PRR32: variants seen among roughly 807,000 people sequenced by gnomAD.
PRR32 encodes the protein proline-rich protein 32.
Under a neutral mutation model 1.3 loss-of-function variants are expected in PRR32, and 2 were observed. The ratio of observed to expected loss-of-function variants is 1.49; its 90% confidence interval spans 0.61 to 4.68. The LOEUF is 4.68. Among genes scored for constraint, PRR32 ranks in the 30% most tolerant of loss-of-function variants. The pLI, the probability that PRR32 is intolerant of heterozygous loss-of-function variation, is 0.06. For missense variants in PRR32, 241 were observed against 232.5 expected (o/e 1.04, Z -0.24); for synonymous variants, 107 against 88.7 (o/e 1.21, Z -1.16).
Position 126,819,843 on chromosome X carries a change from C to A in PRR32, c.-1C>A. On this transcript the variant is annotated 5_prime_UTR_variant, in exon 1 of 2. Coordinates refer to ENST00000371125, the MANE Select transcript of PRR32 (RefSeq NM_001122716.2). ...GAAAGCTATTCTGATCAAATTTCTT[C>A]ATGGCTTGTATTGAAAACGTGTAAG... The A allele has an allele frequency of 8.6e-7, 1 of 1,165,418 alleles. No individual in the cohort carries two copies. The highest frequency in any genetic ancestry group is 1.1e-6 in the Non-Finnish European group (1 of 871,746).
chrX:126,821,306 A>G lies in PRR32; in HGVS notation c.668A>G (p.His223Arg), dbSNP rs776795805. ...CTCAGGGGCCCATGCCACCCCATGCATAATTGGCCAAGGCCTATCCCGTTG... is the reference window on the plus strand; with the variant it reads ...CTCAGGGGCCCATGCCACCCCATGCGTAATTGGCCAAGGCCTATCCCGTTG... ...FPLRGPCHPMHNWPRPIPLSS... is the reference protein window; with the variant it reads ...FPLRGPCHPMRNWPRPIPLSS... The change falls in exon 2 of 2, where the codon CAT becomes CGT. Residue 223 changes from histidine to arginine, a missense_variant. By Grantham distance (29) the His-to-Arg change is conservative. Transcript: ENST00000371125. 2.6e-6 allele frequency: 3 copies of G among 1,168,575 alleles called. No homozygotes were observed. Among genetic ancestry groups the G allele is most frequent in the South Asian group, 3.8e-5 (2 of 52,762 alleles).
intron 1 of PRR32, 127 bp from the exon 2 acceptor site, chrX:126,820,532 T>G: frequency 2.3e-6 from 2 of 852,343 alleles, no homozygotes; most frequent in Non-Finnish European, 3.2e-6. Flanking sequence ...TTTGGCTACA[T>G]ATAGGGGAGA....
chrX:126,821,283 CAG>C lies in PRR32; in HGVS notation c.646_647del (p.Arg216GlyfsTer8). On this transcript the variant is annotated frameshift_variant, in exon 2 of 2. Coordinates refer to ENST00000371125, the MANE Select transcript of PRR32 (RefSeq NM_001122716.2). LOFTEE classifies it low-confidence loss of function (END_TRUNC). ...GKLAHVSFPL[R>X]GPCHPMHNWP... ...AGCTGGCTCATGTTTCTTTCCCACTCAGGGGCCCATGCCACCCCATGCATAAT... is the reference window on the plus strand; with the variant it reads ...AGCTGGCTCATGTTTCTTTCCCACTCGGGCCCATGCCACCCCATGCATAAT... 1 of 1,168,494 alleles carries C rather than the reference CAG, an allele frequency of 8.6e-7. No individual in the cohort carries two copies. The highest frequency in any genetic ancestry group is 1.1e-6 in the Non-Finnish European group (1 of 873,167).
In PRR32 at chrX:126,819,823, C is replaced by A. The variant is rs1930527395; in HGVS notation, c.-21C>A. 1.1e-5 allele frequency: 13 copies of A among 1,164,113 alleles called. No homozygotes were observed. Among genetic ancestry groups the A allele is most frequent in the Non-Finnish European group, 1.4e-5 (12 of 870,718 alleles). ...GGTTATCTCCACCACCTCAGGAAAG[C>A]TATTCTGATCAAATTTCTTCATGGC... On this transcript the variant is annotated 5_prime_UTR_variant, in exon 1 of 2. Coordinates refer to ENST00000371125, the MANE Select transcript of PRR32 (RefSeq NM_001122716.2).
Position 126,820,854 on chromosome X carries a change from G to A in PRR32, c.216G>A (p.Trp72Ter). 1 of 1,167,526 alleles carries A rather than the reference G, an allele frequency of 8.6e-7. No homozygotes were observed. Residue 72 changes from tryptophan (W) to a stop codon, truncating the protein, a stop_gained, in exon 2 of 2, where the codon TGG (tryptophan) becomes TGA (stop). Coordinates refer to ENST00000371125, the MANE Select transcript of PRR32 (RefSeq NM_001122716.2). LOFTEE classifies it low-confidence loss of function (END_TRUNC). ...ATCTGGATAGCAAGCAACTGGAGTGGCCCTCTGAAAGAACAGGATCCTGCA... is the reference window on the plus strand; with the variant it reads ...ATCTGGATAGCAAGCAACTGGAGTGACCCTCTGAAAGAACAGGATCCTGCA... ...LTDLDSKQLEWPSERTGSCIP... is the reference protein window; with the variant it reads ...LTDLDSKQLE
chrX:126,820,755 C>T lies in PRR32; in HGVS notation c.117C>T (p.Ser39=), dbSNP rs376601255. ...HHDMPLQCLS[S]KPEDDAEPWG... ...ACATGCCCCTGCAATGTCTGAGTTC[C>T]AAGCCAGAGGATGACGCAGAGCCCT... The change falls in exon 2 of 2, where the codon TCC becomes TCT. Residue 39 remains serine, a synonymous_variant. Transcript: ENST00000371125. 6.3e-5 allele frequency: 73 copies of T among 1,166,309 alleles called. No individual in the cohort carries two copies. The African/African-American group carries it at 1.2e-3, about 19-fold the overall frequency.
At chrX:126,820,525 G>A in intron 1 of PRR32, 134 bp from the exon 2 acceptor site, 1 of 788,486 alleles carries the variant, frequency 1.3e-6, no homozygotes, top group East Asian at 3.5e-5. Flanking sequence ...GCAAGTATTT[G>A]GCTACATATA....
chrX:126,820,698 G>A lies in PRR32; in HGVS notation c.60G>A (p.Val20=), dbSNP rs1422004592. 1.7e-6 allele frequency: 2 copies of A among 1,166,223 alleles called. No homozygotes were observed. Among genetic ancestry groups the A allele is most frequent in the African/African-American group, 1.8e-5 (1 of 55,703 alleles). ...GHAPSPLVVS[V]DKNGNQELHH... ...CCCCTTCACCCTTGGTAGTATCTGT[G>A]GACAAAAATGGGAACCAGGAGCTGC... Residue 20 remains valine (V), a synonymous_variant, in exon 2 of 2, where the codon GTG becomes GTA. Transcript: ENST00000371125.
At chrX:126,819,967 G>A in intron 1 of PRR32, 104 bp downstream of exon 1, 1 of 784,482 alleles carries the variant, frequency 1.3e-6, no homozygotes, top group Non-Finnish European at 1.8e-6. Flanking sequence ...GAGGAGATGT[G>A]GGAGGAAATT....
At position 126,820,737 on chromosome X, in the gene PRR32, C is replaced by T. The variant is rs1930540746; in HGVS notation, c.99C>T (p.Pro33=). 1.7e-6 allele frequency: 2 copies of T among 1,166,203 alleles called. No individual in the cohort carries two copies. The highest frequency in any genetic ancestry group is 1.8e-5 in the African/African-American group (1 of 55,721). The change falls in exon 2 of 2, where the codon CCC becomes CCT. Residue 33 remains proline, a synonymous_variant. Transcript: ENST00000371125. ...ACCAGGAGCTGCACCACGACATGCC[C>T]CTGCAATGTCTGAGTTCCAAGCCAG... ...NGNQELHHDM[P]LQCLSSKPED...
chrX:126,820,939 G>T lies in PRR32; in HGVS notation c.301G>T (p.Glu101Ter). ...CTACGGGCCACCACCTGCTGTTGCA[G>T]AAGAGTCCCTAGCAACAGCAGAAGT... ...HPYGPPPAVA[E>*]ESLATAEVNS... The change falls in exon 2 of 2, where the codon GAA (glutamate) becomes TAA (stop). Residue 101 changes from glutamate (E) to a stop codon, truncating the protein, a stop_gained. Coordinates refer to ENST00000371125, the MANE Select transcript of PRR32 (RefSeq NM_001122716.2). LOFTEE classifies it low-confidence loss of function (END_TRUNC). 2 of 1,167,609 alleles carry T rather than the reference G, an allele frequency of 1.7e-6. No homozygotes were observed. The highest frequency in any genetic ancestry group is 2.3e-6 in the Non-Finnish European group (2 of 872,858).
chrX:126,821,245 G>T lies in PRR32; in HGVS notation c.607G>T (p.Ala203Ser). The stretch of plus-strand genomic sequence containing the variant: ...GGTGCCGCCCGGAAATACACGAATA[G>T]CCTGCAGAGGAAAGCTGGCTCATGT... ...MEVPPGNTRI[A>S]CRGKLAHVSF... Residue 203 changes from alanine (A) to serine (S), a missense_variant, in exon 2 of 2, where the codon GCC becomes TCC. Coordinates refer to ENST00000371125, the MANE Select transcript of PRR32 (RefSeq NM_001122716.2). The T allele has an allele frequency of 8.6e-7, 1 of 1,168,037 alleles. No homozygotes were observed. Among genetic ancestry groups the T allele is most frequent in the African/African-American group, 1.8e-5 (1 of 56,315 alleles).
chrX:126,820,725 C>A lies in PRR32; in HGVS notation c.87C>A (p.His29Gln). 2.6e-6 allele frequency: 3 copies of A among 1,168,023 alleles called. No individual in the cohort carries two copies. Among genetic ancestry groups the A allele is most frequent in the Non-Finnish European group, 3.4e-6 (3 of 873,030 alleles). Residue 29 changes from histidine (H) to glutamine (Q), a missense_variant, in exon 2 of 2, where the codon CAC (histidine) becomes CAA (glutamine). By Grantham distance (24) the His-to-Gln change is conservative. Transcript: ENST00000371125. ...SVDKNGNQEL[H>Q]HDMPLQCLSS... ...ACAAAAATGGGAACCAGGAGCTGCA[C>A]CACGACATGCCCCTGCAATGTCTGA... is the stretch of plus-strand genomic sequence containing the variant.
Position 126,820,945 on chromosome X carries a change from T to A in PRR32, c.307T>A (p.Ser103Thr), listed in dbSNP as rs760742001. Residue 103 changes from serine to threonine, a missense_variant, in exon 2 of 2, where the codon TCC (serine) becomes ACC (threonine). Physicochemically the swap from Ser to Thr is moderately conservative, Grantham distance 58. Coordinates refer to ENST00000371125, the MANE Select transcript of PRR32 (RefSeq NM_001122716.2). ...YGPPPAVAEE[S>T]LATAEVNSSD... The stretch of plus-strand genomic sequence containing the variant: ...GCCACCACCTGCTGTTGCAGAAGAG[T>A]CCCTAGCAACAGCAGAAGTAAACAG... 91 of 1,164,099 alleles carry A rather than the reference T, an allele frequency of 7.8e-5. No individual in the cohort carries two copies. The highest frequency in any genetic ancestry group is 1.6e-4 in the African/African-American group (9 of 55,202).
chrX:126,821,468 C>T lies in PRR32; in HGVS notation c.830C>T (p.Ser277Phe). 8.6e-7 allele frequency: 1 copy of T among 1,168,176 alleles called. No individual in the cohort carries two copies. The highest frequency in any genetic ancestry group is 1.1e-6 in the Non-Finnish European group (1 of 873,204). ...PPPIFGPPLPSYFAHFHSGGM... is the reference protein window; with the variant it reads ...PPPIFGPPLPFYFAHFHSGGM... Reference sequence around the variant, plus strand: ...CCGATATTTGGTCCTCCACTGCCTTCTTATTTTGCCCATTTCCATTCTGGG... The same window carrying T: ...CCGATATTTGGTCCTCCACTGCCTTTTTATTTTGCCCATTTCCATTCTGGG... The change falls in exon 2 of 2, where the codon TCT becomes TTT. Residue 277 changes from serine (S) to phenylalanine (F), a missense_variant. Physicochemically the swap from Ser to Phe is radical, Grantham distance 155. Transcript: ENST00000371125.
At chrX:126,820,210 GT>G (rs1930533048) in intron 1 of PRR32, among the ~76,000 whole-genome samples, 1 of 111,838 alleles carries the variant, frequency 8.9e-6, no homozygotes, top group East Asian at 2.8e-4. Flanking sequence ...TTGTGTGTTT[GT>G]TAACATAACT....
In PRR32 at chrX:126,820,932, T is replaced by G. The variant is rs1465694284; in HGVS notation, c.294T>G (p.Ala98=). 2 of 1,167,900 alleles carry G rather than the reference T, an allele frequency of 1.7e-6. No individual in the cohort carries two copies. The highest frequency in any genetic ancestry group is 6.5e-5 in the East Asian group (2 of 30,731). The part of the protein sequence containing the change: ...AHRHPYGPPP[A]VAEESLATAE... ...GACACCCCTACGGGCCACCACCTGC[T>G]GTTGCAGAAGAGTCCCTAGCAACAG... Residue 98 remains alanine, a synonymous_variant, in exon 2 of 2, where the codon GCT becomes GCG. Transcript: ENST00000371125.
chrX:126,821,358 T>G lies in PRR32; in HGVS notation c.720T>G (p.Ser240=). 1 of 1,168,633 alleles carries G rather than the reference T, an allele frequency of 8.6e-7. No homozygotes were observed. Among genetic ancestry groups the G allele is most frequent in the Non-Finnish European group, 1.1e-6 (1 of 873,179 alleles). The change falls in exon 2 of 2, where the codon TCT becomes TCG. Residue 240 remains serine (S), a synonymous_variant. Coordinates refer to ENST00000371125, the MANE Select transcript of PRR32 (RefSeq NM_001122716.2). ...PLSSSTPGLP[S]CSTVHCFIPP... is the part of the protein sequence containing the mutation. ...CTTCCAGTACTCCAGGTTTACCTTC[T>G]TGCTCTACTGTTCATTGTTTCATCC...
In PRR32 at chrX:126,819,795, G is replaced by A; in HGVS notation, c.-49G>A. On this transcript the variant is annotated 5_prime_UTR_variant, in exon 1 of 2. It adds an upstream start codon to the 5' untranslated region. Transcript: ENST00000371125. ...TCTCCAGACCTAGCTGGCCTGTTCA[G>A]TGGGTTATCTCCACCACCTCAGGAA... 2 of 1,150,138 alleles carry A rather than the reference G, an allele frequency of 1.7e-6. No individual in the cohort carries two copies. The highest frequency in any genetic ancestry group is 2.3e-6 in the Non-Finnish European group (2 of 859,803). 94.8% of individuals were successfully genotyped at this position (1,150,138 alleles called of 1,213,427 possible).
Sources: gnomAD v4.1 joint callset for allele counts (sites outside exome capture counted in the v4.1 genomes callset) on GRCh38, gnomAD v4.1.1 for gene constraint, MANE v1.5 for transcripts, NCBI Gene and HGNC (gene_info 2026-07-23, HGNC 2026-07-21) for gene names.